PDE4D: variants seen among roughly 807,000 people sequenced by gnomAD.
The protein encoded by PDE4D is 3',5'-cyclic-AMP phosphodiesterase 4D.
A neutral mutation model predicts 87.4 loss-of-function variants in PDE4D; 24 were observed. The observed-to-expected ratio is 0.27, with a 90% CI of 0.20 to 0.39. The LOEUF is 0.39. Ranked by LOEUF, PDE4D falls within the 10% of genes least tolerant of loss-of-function variation. The probability of loss-of-function intolerance (pLI) is 1.00; values close to 1 mark genes in which losing one functional copy is unlikely to be tolerated. For synonymous variants in PDE4D, 384 were observed against 383.2 expected, an observed-to-expected ratio of 1.00 and a Z score of -0.02; for missense variants, 714 against 1,041.0, an observed-to-expected ratio of 0.69 and a Z score of 4.32.
intron 1 of PDE4D, among the ~76,000 whole-genome samples, chr5:59,718,697 C>G (rs546626213): frequency 7.0e-4 from 106 of 152,108 alleles, no homozygotes; most frequent in African/African-American, 2.5e-3. Context: ...TTGTGCTCAA[C>G]TAAAAAAAAT....
chr5:59,723,181 G>A (rs559553892), intron 1 of PDE4D, among the ~76,000 whole-genome samples: 38 of 152,086 alleles, frequency 2.5e-4, no homozygotes, highest in African/African-American at 8.2e-4. Context: ...CAATGTTCTT[G>A]GGTGACAGAA....
intron 1 of PDE4D, among the ~76,000 whole-genome samples, chr5:59,372,322 G>T (rs1340726141): frequency 6.6e-6 from 1 of 152,066 alleles, no homozygotes; most frequent in African/African-American, 2.4e-5. Flanking sequence ...TGTAATTTGA[G>T]GATATAAACT....
chr5:59,204,571 TAG>T (rs896373043), intron 2 of PDE4D, among the ~76,000 whole-genome samples: 1 of 152,156 alleles, frequency 6.6e-6, no homozygotes, highest in Non-Finnish European at 1.5e-5. Flanking sequence ...ACCAATACAA[TAG>T]AGAGACTTTT....
At chr5:59,204,702 A>G (rs1000659652) in intron 2 of PDE4D, among the ~76,000 whole-genome samples, 1 of 152,204 alleles carries the variant, frequency 6.6e-6, no homozygotes, top group African/African-American at 2.4e-5. Flanking sequence ...GGGATTCACA[A>G]GTGCTCTCAC....
At chr5:59,892,292 T>C (rs933787923) in intron 1 of PDE4D, among the ~76,000 whole-genome samples, 2 of 152,202 alleles carry the variant, frequency 1.3e-5, no homozygotes, top group Non-Finnish European at 2.9e-5. Context: ...TCCCGGTTGA[T>C]AGGCGGCTTC....
At chr5:59,665,434 C>T (rs1421146781) in intron 1 of PDE4D, among the ~76,000 whole-genome samples, 1 of 151,980 alleles carries the variant, frequency 6.6e-6, no homozygotes, top group Non-Finnish European at 1.5e-5. Flanking sequence ...TTTATTTTTC[C>T]CAACATAAAA....
chr5:60,332,052 G>A (rs1469041762), intron 1 of PDE4D, among the ~76,000 whole-genome samples: 2 of 152,066 alleles, frequency 1.3e-5, no homozygotes, highest in Non-Finnish European at 2.9e-5. Context: ...TATTCACTGT[G>A]GTTGCTGTTA....
chr5:59,639,396 C>T (rs1039531127), intron 1 of PDE4D, among the ~76,000 whole-genome samples: 1 of 151,968 alleles, frequency 6.6e-6, no homozygotes, highest in Non-Finnish European at 1.5e-5. Context: ...GTGGCGATGG[C>T]TGGGTTGGGG....
chr5:59,470,770 TA>T (rs1414932500), intron 1 of PDE4D, among the ~76,000 whole-genome samples: 2 of 152,186 alleles, frequency 1.3e-5, no homozygotes, highest in East Asian at 3.8e-4. Flanking sequence ...GTGGCATATT[TA>T]AAAGGATAAA....
chr5:59,836,736 G>A (rs967508905), intron 1 of PDE4D, among the ~76,000 whole-genome samples: 2 of 151,922 alleles, frequency 1.3e-5, no homozygotes, highest in Non-Finnish European at 2.9e-5. Context: ...GATATCTAGA[G>A]ATAGAGCAAA....
chr5:59,731,329 G>A (rs1449411487), intron 1 of PDE4D, among the ~76,000 whole-genome samples: 4 of 151,970 alleles, frequency 2.6e-5, no homozygotes, highest in Admixed American at 6.6e-5. Flanking sequence ...AGATAGTGCC[G>A]TGGGAGCAGT....
At chr5:59,714,531 T>TG (rs1407530835) in intron 1 of PDE4D, among the ~76,000 whole-genome samples, 1 of 152,190 alleles carries the variant, frequency 6.6e-6, no homozygotes, top group Non-Finnish European at 1.5e-5. Context: ...TGATATATTC[T>TG]GGGGGTGGAT....
At chr5:59,829,187 C>G (rs1770683595) in intron 1 of PDE4D, among the ~76,000 whole-genome samples, 1 of 151,734 alleles carries the variant, frequency 6.6e-6, no homozygotes, top group African/African-American at 2.4e-5. Flanking sequence ...ACACTTGTAA[C>G]AAGGGATGCA....
At chr5:60,498,683 G>A (rs559091209) in intron 1 of PDE4D, among the ~76,000 whole-genome samples, 110 of 152,240 alleles carry the variant, frequency 7.2e-4, no homozygotes, top group Admixed American at 1.7e-3. Context: ...AGCTCTTATG[G>A]TATCTAGCTT....
intron 5 of PDE4D, among the ~76,000 whole-genome samples, chr5:59,137,169 C>A (rs1434359152): frequency 2.0e-5 from 3 of 152,174 alleles, no homozygotes; most frequent in African/African-American, 7.2e-5. Context: ...TTTCCCACAG[C>A]CACAACTCCC....
chr5:59,523,082 T>C (rs1812515815), intron 1 of PDE4D, among the ~76,000 whole-genome samples: 1 of 152,206 alleles, frequency 6.6e-6, no homozygotes, highest in Admixed American at 6.5e-5. Flanking sequence ...CCAACTAATA[T>C]CATTATTGAT....
intron 1 of PDE4D, chr5:59,276,209 G>GCTC (rs1764793717): frequency 1.1e-6 from 1 of 869,696 alleles, no homozygotes; most frequent in Non-Finnish European, 1.4e-6. Context: ...GGGCGGATCA[G>GCTC]CTCCAGAGAC....
chr5:60,108,255 C>G (rs1777254034), intron 2 of PDE4D, among the ~76,000 whole-genome samples: 1 of 151,536 alleles, frequency 6.6e-6, no homozygotes, highest in Non-Finnish European at 1.5e-5. Flanking sequence ...AACTCCCATT[C>G]ACAATTGCTT....
rs1168837793 is a variant in PDE4D at position 60,185,401 on chromosome 5, G to T, written c.42+156C>A. Among the ~76,000 whole-genome samples the T allele has an allele frequency of 2.6e-5, 4 of 152,062 alleles. No individual in the cohort carries two copies. In the South Asian group the frequency reaches 8.3e-4, roughly 31 times the overall value. ...AGGTCACACAGACAAACTAGTCTTT[G>T]TTTGTTAATAAGCTGTGTACAGTCA... On this transcript the variant is annotated intron_variant, in intron 2 of 16. Coordinates refer to the PDE4D transcript ENST00000502484.
Sources: gnomAD v4.1 joint callset for allele counts (sites outside exome capture counted in the v4.1 genomes callset) on GRCh38, gnomAD v4.1.1 for gene constraint, MANE v1.5 for transcripts, NCBI Gene and HGNC (gene_info 2026-07-23, HGNC 2026-07-21) for gene names.